Variants in RPL18A observed in about 807,000 individuals in gnomAD.
RPL18A encodes ribosomal protein L18a, also known as large ribosomal subunit protein eL20.
For synonymous variants in RPL18A, 122 were observed against 96.9 expected (o/e 1.26, Z -1.52); for missense variants, 163 against 254.1 (o/e 0.64, Z 2.44).
At position 17,861,433 on chromosome 19, in the gene RPL18A, G is replaced by C. The variant is rs184314100; in HGVS notation, c.159G>C (p.Lys53Asn). The C allele has an allele frequency of 6.2e-7, 1 of 1,605,130 alleles. No homozygotes were observed. The highest frequency in any genetic ancestry group is 2.2e-5 in the East Asian group (1 of 44,728). Residue 53 changes from lysine (K) to asparagine (N), a missense_variant, in exon 2 of 5, where the codon AAG (lysine) becomes AAC (asparagine). Lys to Asn is a moderately conservative substitution (Grantham distance 94). Coordinates refer to ENST00000222247, the MANE Select transcript of RPL18A (RefSeq NM_000980.4). ...RFWYFVSQLK[K>N]MKKSSGEIVY... is the part of the protein sequence containing the mutation. ...GGTACTTTGTATCTCAGTTAAAGAA[G>C]ATGAAGAAGTCTTCAGGGGAGATTG...
At chr19:17,862,390 C>G in intron 3 of RPL18A, 167 bp downstream of exon 3, 1 of 801,156 alleles carries the variant, frequency 1.2e-6, no homozygotes, top group South Asian at 1.6e-5. Flanking sequence ...TTCTGAGAGC[C>G]CTGCCAGGCT....
intron 3 of RPL18A, chr19:17,862,681 T>A (rs2094279693): frequency 1.3e-6 from 1 of 754,518 alleles, no homozygotes; most frequent in African/African-American, 1.7e-5. Context: ...TGGGGGGCTG[T>A]GGCCGTGCCC....
Position 17,862,949 on chromosome 19 carries a change from A to T in RPL18A, c.360A>T (p.Arg120=). ...YRDMGARHRA[R]AHSIQIMKVE... Reference sequence around the variant, plus strand: ...ACATGGGTGCCCGGCACCGCGCCCGAGCCCACTCCATTCAGATCATGAAGG... The same window carrying T: ...ACATGGGTGCCCGGCACCGCGCCCGTGCCCACTCCATTCAGATCATGAAGG... Residue 120 remains arginine, a synonymous_variant, in exon 4 of 5, where the codon CGA becomes CGT. Coordinates refer to ENST00000222247, the MANE Select transcript of RPL18A (RefSeq NM_000980.4). 6.2e-7 allele frequency: 1 copy of T among 1,612,030 alleles called. No individual in the cohort carries two copies. The highest frequency in any genetic ancestry group is 8.5e-7 in the Non-Finnish European group (1 of 1,179,542).
intron 2 of RPL18A, 58 bp downstream of exon 2, chr19:17,861,530 C>G (rs559531828): frequency 4.5e-5 from 60 of 1,325,920 alleles, no homozygotes; most frequent in Non-Finnish European, 6.2e-5. Context: ...CTTGGGACAT[C>G]GTGCATCTCA....
At chr19:17,862,849 A>T (rs2094279968) in intron 3 of RPL18A, 69 bp from the exon 4 acceptor site, 5 of 1,024,374 alleles carry the variant, frequency 4.9e-6, no homozygotes, top group Non-Finnish European at 7.7e-6. Flanking sequence ...TTGGGCAGGC[A>T]CTCAGGAGGT....
intron 3 of RPL18A, chr19:17,862,696 A>G (rs756064939): frequency 1.3e-5 from 10 of 758,772 alleles, no homozygotes; most frequent in Non-Finnish European, 1.7e-5. Context: ...GTGCCCCTCA[A>G]AGTGAATTTG....
At position 17,859,914 on chromosome 19, in the gene RPL18A, G is replaced by C. The variant is rs772793205; in HGVS notation, c.-43G>C. On this transcript the variant is annotated 5_prime_UTR_variant, in exon 1 of 5. Coordinates refer to ENST00000222247, the MANE Select transcript of RPL18A (RefSeq NM_000980.4). The stretch of plus-strand genomic sequence containing the variant: ...CCTGGTGAACGGCTGCGCGACAGAG[G>C]ACACTTCCTTTTGCGGGTGGCGGCG... The C allele has an allele frequency of 3.9e-6, 6 of 1,542,504 alleles. No individual in the cohort carries two copies. Among genetic ancestry groups the C allele is most frequent in the Non-Finnish European group, 5.2e-6 (6 of 1,144,380 alleles).
At chr19:17,860,953 T>C (rs934672187) in intron 1 of RPL18A, 2 of 302,982 alleles carry the variant, frequency 6.6e-6, no homozygotes, top group Non-Finnish European at 1.2e-5. Context: ...AGTGGCTGTT[T>C]GACGGCGACT....
intron 3 of RPL18A, chr19:17,862,520 A>T (rs56708876): frequency 1.4e-6 from 1 of 699,024 alleles, no homozygotes; most frequent in East Asian, 2.8e-5. Flanking sequence ...ACCCCTGCCT[A>T]GTGTTGGGAG....
intron 4 of RPL18A, 61 bp downstream of exon 4, chr19:17,863,088 G>C (rs539457147): frequency 1.7e-5 from 27 of 1,551,042 alleles, no homozygotes; most frequent in African/African-American, 2.7e-5. Context: ...GAGCCCAGTG[G>C]GGGGCGGCTA....
chr19:17,861,557 C>T (rs1599895558), intron 2 of RPL18A, 85 bp downstream of exon 2: 3 of 1,085,618 alleles, frequency 2.8e-6, no homozygotes, highest in Admixed American at 2.5e-5. Context: ...AATCAGACAT[C>T]GAACGGGTGC....
At chr19:17,861,707 G>T (rs1243522960) in intron 2 of RPL18A, 2 of 566,330 alleles carry the variant, frequency 3.5e-6, no homozygotes, top group Non-Finnish European at 6.3e-6. Flanking sequence ...CGGGTGGGTG[G>T]CATGGTGGGA....
chr19:17,860,165 A>G, intron 1 of RPL18A, 191 bp downstream of exon 1: 1 of 540,860 alleles, frequency 1.8e-6, no homozygotes, highest in Non-Finnish European at 3.2e-6. Flanking sequence ...GCGATGCGTG[A>G]CCTGGGCCAG....
chr19:17,863,027 C>T lies in RPL18A; in HGVS notation c.438C>T (p.His146=), dbSNP rs141968795. 225 of 1,608,506 alleles carry T rather than the reference C, an allele frequency of 1.4e-4. No individual in the cohort carries two copies. The highest frequency in any genetic ancestry group is 3.1e-4 in the South Asian group (28 of 90,884). The change falls in exon 4 of 5, where the codon CAC becomes CAT. Residue 146 remains histidine, a splice_region_variant and synonymous_variant. Coordinates refer to ENST00000222247, the MANE Select transcript of RPL18A (RefSeq NM_000980.4). ...KCRRPAVKQF[H]DSKIKFPLPH... is the part of the protein sequence containing the mutation. ...GCCGGCCGGCTGTCAAGCAGTTCCA[C>T]GTGAGTGCCCTGGGGGACTCCCCTG...
chr19:17,862,080 C>T lies in RPL18A; in HGVS notation c.199-14C>T, dbSNP rs10422405. The T allele has an allele frequency of 0.03, 48,022 of 1,610,484 alleles. 2,525 individuals are homozygous for T. The highest frequency in any genetic ancestry group is 0.2 in the East Asian group (9,169 of 44,824). Reference sequence around the variant, plus strand: ...TTGCTGCTCTCACATCTCCCTGTGGCCTCTCCTTGGCAGGTGTTTGAGAAG... The same window carrying T: ...TTGCTGCTCTCACATCTCCCTGTGGTCTCTCCTTGGCAGGTGTTTGAGAAG... On this transcript the variant is annotated splice_polypyrimidine_tract_variant and intron_variant, in intron 2 of 4. Coordinates refer to ENST00000222247, the MANE Select transcript of RPL18A (RefSeq NM_000980.4).
intron 3 of RPL18A, chr19:17,862,644 C>G (rs1260897009): frequency 2.9e-5 from 21 of 736,402 alleles, no homozygotes; most frequent in Non-Finnish European, 7.5e-6. Flanking sequence ...AACAGAGGTG[C>G]AAACAGCAAG....
chr19:17,862,774 C>G (rs2094279853), intron 3 of RPL18A, 144 bp from the exon 4 acceptor site: 2 of 761,254 alleles, frequency 2.6e-6, no homozygotes, highest in Non-Finnish European at 4.8e-6. Context: ...GCTTCCCCAC[C>G]ACCACCTTCC....
intron 2 of RPL18A, 34 bp from the exon 3 acceptor site, chr19:17,862,060 G>C (rs1401737053): frequency 6.2e-7 from 1 of 1,607,742 alleles, no homozygotes; most frequent in Non-Finnish European, 8.5e-7. Context: ...TCGGCTTGCT[G>C]CTCTCACATC....
chr19:17,860,509 C>T (rs1599894382), intron 1 of RPL18A, among the ~76,000 whole-genome samples: 1 of 152,230 alleles, frequency 6.6e-6, no homozygotes, highest in African/African-American at 2.4e-5. Context: ...AGATCTCCAG[C>T]TTCGGTTTCC....
Sources: allele counts gnomAD v4.1 joint callset (sites outside exome capture counted in the v4.1 genomes callset), GRCh38; gene constraint gnomAD v4.1.1; transcripts MANE v1.5; gene names NCBI Gene and HGNC (gene_info 2026-07-23, HGNC 2026-07-21).